DPP10: variants seen among roughly 807,000 people sequenced by gnomAD.
DPP10 encodes the protein dipeptidyl peptidase like 10.
In DPP10, 33 loss-of-function variants were observed where a neutral mutation model predicts 120.9. The ratio of observed to expected loss-of-function variants is 0.27; its 90% confidence interval spans 0.21 to 0.37. The LOEUF is 0.37. Ranked by LOEUF, DPP10 falls within the 10% of genes least tolerant of loss-of-function variation. The pLI, the probability that DPP10 is intolerant of heterozygous loss-of-function variation, is 1.00. For missense variants in DPP10, 816 were observed against 942.8 expected, an observed-to-expected ratio of 0.87 and a Z score of 1.76; for synonymous variants, 337 against 326.1, an observed-to-expected ratio of 1.03 and a Z score of -0.36.
intron 1 of DPP10, among the ~76,000 whole-genome samples, chr2:114,855,872 C>T (rs1689327254): frequency 6.6e-6 from 1 of 151,780 alleles, no homozygotes; most frequent in Non-Finnish European, 1.5e-5. Flanking sequence ...AATAAATATG[C>T]TCTAGCCAAT....
intron 1 of DPP10, among the ~76,000 whole-genome samples, chr2:115,023,207 C>T (rs1233905844): frequency 1.3e-5 from 2 of 152,030 alleles, no homozygotes. Flanking sequence ...GCAAAGTAAA[C>T]CGACAACCCA....
At chr2:115,618,760 C>T (rs1320467874) in intron 5 of DPP10, among the ~76,000 whole-genome samples, 2 of 152,120 alleles carry the variant, frequency 1.3e-5, no homozygotes, top group Non-Finnish European at 2.9e-5. Context: ...GTAAGCATTA[C>T]TCCATGGAGT....
chr2:114,952,320 C>T (rs1004256401), intron 1 of DPP10, among the ~76,000 whole-genome samples: 1 of 152,118 alleles, frequency 6.6e-6, no homozygotes, highest in African/African-American at 2.4e-5. Flanking sequence ...AATCAACCTT[C>T]TTATATTCAA....
chr2:115,422,890 C>T (rs751905979), intron 3 of DPP10, among the ~76,000 whole-genome samples: 15 of 151,988 alleles, frequency 9.9e-5, no homozygotes, highest in Non-Finnish European at 2.1e-4. Flanking sequence ...TTCATTTTAT[C>T]CCTCAGTGAA....
chr2:114,917,186 G>T (rs1316689386), intron 1 of DPP10, among the ~76,000 whole-genome samples: 1 of 152,052 alleles, frequency 6.6e-6, no homozygotes, highest in African/African-American at 2.4e-5. Context: ...TGTCCAAGCT[G>T]ACAGCCAAAT....
At chr2:114,683,354 CT>C (rs1440844297) in intron 1 of DPP10, among the ~76,000 whole-genome samples, 2 of 151,840 alleles carry the variant, frequency 1.3e-5, no homozygotes, top group Admixed American at 1.3e-4. Flanking sequence ...CAGAAGTGGT[CT>C]TGTCAAAAAG....
intron 1 of DPP10, among the ~76,000 whole-genome samples, chr2:114,816,816 C>T (rs916076683): frequency 3.3e-5 from 5 of 152,228 alleles, no homozygotes; most frequent in African/African-American, 7.2e-5. Flanking sequence ...AAGGCAAGAA[C>T]GCTTGGGGGT....
At chr2:115,475,224 G>A (rs142313344) in intron 3 of DPP10, among the ~76,000 whole-genome samples, 367 of 151,480 alleles carry the variant, frequency 2.4e-3, no homozygotes, top group African/African-American at 8.0e-3. Context: ...AGGGCCCCAC[G>A]GACCTGTGCA....
At chr2:115,481,126 T>C (rs769157136) in intron 3 of DPP10, among the ~76,000 whole-genome samples, 10 of 152,280 alleles carry the variant, frequency 6.6e-5, no homozygotes, top group Middle Eastern at 6.8e-3. Flanking sequence ...TATGAAAATA[T>C]ATGTTCAAAA....
At chr2:114,462,520 A>C (rs1220588849) in intron 1 of DPP10, among the ~76,000 whole-genome samples, 3 of 152,118 alleles carry the variant, frequency 2.0e-5, no homozygotes, top group Non-Finnish European at 4.4e-5. Flanking sequence ...ATTTTGTCTG[A>C]TGTTTTTCTC....
At chr2:114,789,911 A>C (rs1030836080) in intron 1 of DPP10, among the ~76,000 whole-genome samples, 1 of 152,224 alleles carries the variant, frequency 6.6e-6, no homozygotes, top group Non-Finnish European at 1.5e-5. Flanking sequence ...TGTTCTTGAC[A>C]TTATGAAATA....
At chr2:115,399,703 C>G (rs1294795603) in intron 3 of DPP10, among the ~76,000 whole-genome samples, 1 of 152,024 alleles carries the variant, frequency 6.6e-6, no homozygotes, top group African/African-American at 2.4e-5. Flanking sequence ...TTAAATGTAA[C>G]TTAAAGAGAG....
intron 17 of DPP10, among the ~76,000 whole-genome samples, chr2:115,786,464 A>G (rs958687842): frequency 6.6e-6 from 1 of 152,090 alleles, no homozygotes; most frequent in East Asian, 1.9e-4. Context: ...TTTTCTGGCC[A>G]TGGAGTAACT....
At chr2:115,065,336 A>G (rs1706748122) in intron 1 of DPP10, among the ~76,000 whole-genome samples, 1 of 152,146 alleles carries the variant, frequency 6.6e-6, no homozygotes, top group South Asian at 2.1e-4. Context: ...TAAACTGGGA[A>G]GAGATAAGGG....
At chr2:114,556,620 G>A (rs946075654) in intron 1 of DPP10, among the ~76,000 whole-genome samples, 9 of 152,078 alleles carry the variant, frequency 5.9e-5, no homozygotes, top group Admixed American at 2.6e-4. Flanking sequence ...TATTTGGAAG[G>A]CATCAGTGGT....
chr2:115,364,008 T>G (rs2064939482), intron 3 of DPP10, among the ~76,000 whole-genome samples: 1 of 7,788 alleles, frequency 1.3e-4, no homozygotes, highest in African/African-American at 3.1e-4. Flanking sequence ...AGGTAGATGC[T>G]TCAGGTCATT....
intron 1 of DPP10, among the ~76,000 whole-genome samples, chr2:114,573,565 C>G (rs1689821989): frequency 6.6e-6 from 1 of 152,092 alleles, no homozygotes; most frequent in African/African-American, 2.4e-5. Flanking sequence ...AGAAGATAAT[C>G]CAAAAGCAGG....
At chr2:114,781,355 G>C (rs909501328) in intron 1 of DPP10, among the ~76,000 whole-genome samples, 23 of 152,166 alleles carry the variant, frequency 1.5e-4, no homozygotes, top group African/African-American at 5.3e-4. Flanking sequence ...GAACATTTCA[G>C]AATGAAGCCA....
At chr2:115,620,485 A>G (rs1024028149) in intron 5 of DPP10, among the ~76,000 whole-genome samples, 1 of 152,234 alleles carries the variant, frequency 6.6e-6, no homozygotes, top group Non-Finnish European at 1.5e-5. Flanking sequence ...TGTTATGGCT[A>G]GAAATCAAGC....
Sources: gnomAD v4.1 joint callset for allele counts (sites outside exome capture counted in the v4.1 genomes callset) on GRCh38, gnomAD v4.1.1 for gene constraint, MANE v1.5 for transcripts, NCBI Gene and HGNC (gene_info 2026-07-23, HGNC 2026-07-21) for gene names.